The following KRABD2 variants were observed in gnomAD, a reference collection of about 807,000 sequenced individuals.
KRABD2 encodes KRAB domain-containing protein 2.
At chr17:8,366,183 G>T in the KRABD2 span, among the ~76,000 whole-genome samples, 2 of 151,790 alleles carry the variant, frequency 1.3e-5, no homozygotes, top group African/African-American at 4.8e-5. Flanking sequence ...CTCCTTCCCC[G>T]TGCCCATTTC....
the KRABD2 span, chr17:8,359,476 G>C: frequency 2.4e-6 from 1 of 409,886 alleles, no homozygotes; most frequent in Non-Finnish European, 4.8e-6. Flanking sequence ...CTATTTTTCT[G>C]CATTTAGCAG....
At chr17:8,359,436 T>C in the KRABD2 span, 1 of 375,782 alleles carries the variant, frequency 2.7e-6, no homozygotes, top group Non-Finnish European at 5.2e-6. Flanking sequence ...TGAGCACTCC[T>C]TTACAGACTT....
chr17:8,360,162 G>A, the KRABD2 span, among the ~76,000 whole-genome samples: 1 of 152,140 alleles, frequency 6.6e-6, no homozygotes, highest in Admixed American at 6.6e-5. Context: ...CAGAAAGGAT[G>A]TAGCAATTCA....
the KRABD2 span, among the ~76,000 whole-genome samples, chr17:8,361,971 C>T: frequency 1.3e-5 from 2 of 152,166 alleles, no homozygotes; most frequent in South Asian, 2.1e-4. Context: ...CCTTAATACA[C>T]CTATTTAAAC....
the KRABD2 span, chr17:8,371,694 C>G: frequency 7.2e-7 from 1 of 1,389,936 alleles, no homozygotes; most frequent in Non-Finnish European, 9.3e-7. Flanking sequence ...GCTGCCAGAG[C>G]TGTAGCCCAT....
the KRABD2 span, chr17:8,367,185 A>G: frequency 6.6e-6 from 1 of 151,964 alleles, no homozygotes; most frequent in African/African-American, 2.4e-5. Context: ...ATTGACTACA[A>G]TGAGAAGTGT....
At chr17:8,374,265 T>C in the KRABD2 span, among the ~76,000 whole-genome samples, 3 of 152,240 alleles carry the variant, frequency 2.0e-5, no homozygotes, top group Non-Finnish European at 1.5e-5. Flanking sequence ...GGAGACTCCA[T>C]TTTGTTCTAT....
the KRABD2 span, among the ~76,000 whole-genome samples, chr17:8,363,830 CATATAT>C: frequency 0.2 from 17,193 of 87,050 alleles, 2,047 homozygotes; most frequent in Admixed American, 0.32. Context: ...ATATATCATA[CATATAT>C]ATATATATAT....
chr17:8,360,428 AAC>A, the KRABD2 span, among the ~76,000 whole-genome samples: 1 of 152,168 alleles, frequency 6.6e-6, no homozygotes, highest in Admixed American at 6.5e-5. Context: ...TTGCTTGGAA[AAC>A]ACAGTAGAGT....
chr17:8,372,226 C>T, the KRABD2 span: 5,170 of 190,320 alleles, frequency 0.027, 280 homozygotes, highest in African/African-American at 0.11. The surrounding 1 kb of genome is among the most constrained non-coding windows in gnomAD (Gnocchi z 4.1). Context: ...CATGAATATT[C>T]CTGATTCTAA....
chr17:8,372,037 G>A, the KRABD2 span: 5 of 985,442 alleles, frequency 5.1e-6, no homozygotes, highest in South Asian at 1.4e-4. This position sits in a 1 kb window ranked among gnomAD's most constrained non-coding sequence, Gnocchi z 4.1. Context: ...ACAGGATCCC[G>A]AGATCCCAGC....
At chr17:8,365,290 C>A in the KRABD2 span, among the ~76,000 whole-genome samples, 2 of 152,046 alleles carry the variant, frequency 1.3e-5, no homozygotes, top group African/African-American at 2.4e-5. Flanking sequence ...CACCTTTTAC[C>A]CACAGGAGTT....
At chr17:8,375,669 T>G in the KRABD2 span, 1 of 159,926 alleles carries the variant, frequency 6.3e-6, no homozygotes, top group African/African-American at 2.4e-5. Context: ...CAGGCATGCG[T>G]CACCAGACCC....
chr17:8,359,754 G>A, the KRABD2 span: 10 of 455,902 alleles, frequency 2.2e-5, no homozygotes, highest in African/African-American at 6.0e-5. Flanking sequence ...GAAAGGCAGG[G>A]TTTCAGGACT....
chr17:8,376,488 T>A, the KRABD2 span: 1 of 1,006,102 alleles, frequency 9.9e-7, no homozygotes, highest in East Asian at 9.5e-5. Flanking sequence ...GGCTGGGATG[T>A]CGCCTCCTTT....
the KRABD2 span, chr17:8,359,530 G>A: frequency 4.2e-5 from 19 of 454,818 alleles, 1 homozygote; most frequent in South Asian, 3.0e-4. Flanking sequence ...ATGATGCCTG[G>A]TACATACTTA....
the KRABD2 span, chr17:8,370,051 C>T: frequency 1.9e-6 from 3 of 1,614,118 alleles, no homozygotes; most frequent in South Asian, 3.3e-5. Flanking sequence ...TCCTTATGTA[C>T]ATAATACCGT....
chr17:8,370,342 C>A, the KRABD2 span: 1 of 1,602,496 alleles, frequency 6.2e-7, no homozygotes, highest in Non-Finnish European at 8.5e-7. Flanking sequence ...CCAGGTGGAT[C>A]ATTTCCAGCT....
the KRABD2 span, chr17:8,371,191 T>G: frequency 6.5e-6 from 6 of 922,890 alleles, no homozygotes; most frequent in Non-Finnish European, 9.8e-6. Flanking sequence ...TTCTTATGGC[T>G]GAGGAGTCTG....
Sources: allele counts gnomAD v4.1 joint callset (sites outside exome capture counted in the v4.1 genomes callset), GRCh38; gene constraint gnomAD v4.1.1; non-coding constraint Gnocchi (gnomAD v3.1); transcripts MANE v1.5; gene names NCBI Gene and HGNC (gene_info 2026-07-23, HGNC 2026-07-21).